The following SRL variants were observed in gnomAD, a reference collection of about 807,000 sequenced individuals.
The protein encoded by SRL is sarcalumenin.
A neutral mutation model predicts 39.5 loss-of-function variants in SRL; 23 were observed. The ratio of observed to expected loss-of-function variants is 0.58; its 90% CI spans 0.42 to 0.82. SRL has a LOEUF of 0.82. Ranked by LOEUF, SRL falls within the 40% of genes least tolerant of loss-of-function variation. The pLI is 0.00. For missense variants in SRL, 592 were observed against 607.8 expected (o/e 0.97, Z 0.27); for synonymous variants, 272 against 237.4 (o/e 1.15, Z -1.34).
At chr16:4,240,960 T>C (rs2052766783) in intron 1 of SRL, among the ~76,000 whole-genome samples, 1 of 152,078 alleles carries the variant, frequency 6.6e-6, no homozygotes, top group African/African-American at 2.4e-5. Context: ...CCACCTTACA[T>C]CTTGAGTCCC....
intron 1 of SRL, among the ~76,000 whole-genome samples, chr16:4,224,949 C>G (rs1448276102): frequency 6.6e-6 from 1 of 152,164 alleles, no homozygotes; most frequent in Non-Finnish European, 1.5e-5. Flanking sequence ...TACAACACGG[C>G]TGAACCTGGA....
rs60969882 is a variant in SRL, at chr16:4,207,221, A to G, written c.62-2587T>C. ...CTCCTTCTTCCTCGCTTCCACTTCC[A>G]TCACCACTTTCCTCTTCAGAGGAGG... On this transcript the variant is annotated intron_variant, in intron 1 of 5. Transcript: ENST00000399609. 1.4e-3 allele frequency: 636 copies of G among 456,864 alleles called. 5 individuals carry two copies. Among genetic ancestry groups the G allele is most frequent in the African/African-American group, 0.012 (580 of 50,118 alleles). 28.3% of individuals were successfully genotyped at this position (456,864 alleles called of 1,614,324 possible).
chr16:4,192,563 T>C lies in SRL; in HGVS notation c.1012A>G (p.Ile338Val). The C allele has an allele frequency of 6.2e-7, 1 of 1,614,196 alleles. No individual in the cohort carries two copies. The highest frequency in any genetic ancestry group is 1.1e-5 in the South Asian group (1 of 91,088). ...AGGAGGGCGTGGATGCGGACCCGGA[T>C]GGCGTGCTGGCGGATGAAGGCAATC... Reference protein sequence around the residue: ...NKIAFIRQHAIRVRIHALLVD... With the variant: ...NKIAFIRQHAVRVRIHALLVD... The change falls in exon 6 of 6, where the codon ATC (isoleucine) becomes GTC (valine). Residue 338 changes from isoleucine to valine, a missense_variant. Physicochemically the swap from Ile to Val is conservative, Grantham distance 29 (BLOSUM62 3). Coordinates refer to ENST00000399609, the MANE Select transcript of SRL (RefSeq NM_001098814.2). The surrounding 1 kb of genome is among the most constrained non-coding windows in gnomAD (Gnocchi z 4.0).
chr16:4,242,032 G>C lies in SRL; in HGVS notation c.36C>G (p.Ala12=), dbSNP rs372504308. 5.2e-5 allele frequency: 84 copies of C among 1,613,306 alleles called. No individual in the cohort carries two copies. Among genetic ancestry groups the C allele is most frequent in the Middle Eastern group, 5.0e-4 (3 of 5,958 alleles). The change falls in exon 1 of 6, where the codon GCC becomes GCG. Residue 12 remains alanine (A), a synonymous_variant. Transcript: ENST00000399609. ...CTGCTTGTCCTGAGAACAGGAGCGA[G>C]GCCAGGAGGCAGCCGAGCAGGACCA... ...RALVLLGCLL[A]SLLFSGQAEE... is the part of the protein sequence containing the mutation.
chr16:4,217,581 C>G (rs546524020), intron 1 of SRL, among the ~76,000 whole-genome samples: 1 of 152,308 alleles, frequency 6.6e-6, no homozygotes, highest in South Asian at 2.1e-4. Context: ...GCCCCCACCC[C>G]CCGCTGTCTT....
At chr16:4,207,907 C>T (rs779604410) in intron 1 of SRL, 38 of 456,560 alleles carry the variant, frequency 8.3e-5, no homozygotes, top group Non-Finnish European at 1.3e-4. Flanking sequence ...CCCGCGCTGG[C>T]GGCAGACGCG....
chr16:4,222,899 GC>G (rs1383514666), intron 1 of SRL, among the ~76,000 whole-genome samples: 1 of 152,100 alleles, frequency 6.6e-6, no homozygotes, highest in African/African-American at 2.4e-5. Context: ...TTTGAGACCA[GC>G]CTGGCCAACA....
At chr16:4,194,521 C>T (rs1321881264) in intron 5 of SRL, among the ~76,000 whole-genome samples, 2 of 152,110 alleles carry the variant, frequency 1.3e-5, no homozygotes, top group Non-Finnish European at 1.5e-5. Context: ...AGGTCAGGTT[C>T]AACCTACAGC....
intron 3 of SRL, among the ~76,000 whole-genome samples, chr16:4,200,974 A>T (rs1385468276): frequency 6.6e-6 from 1 of 152,206 alleles, no homozygotes; most frequent in Admixed American, 6.5e-5. Context: ...CCACTGCTAA[A>T]TTTTTTAAAG....
At chr16:4,200,721 G>C (rs115753387) in intron 3 of SRL, among the ~76,000 whole-genome samples, 2,438 of 152,312 alleles carry the variant, frequency 0.016, 62 homozygotes, top group African/African-American at 0.056. Context: ...ATAATTGGCT[G>C]CTAGGCTACA....
chr16:4,223,807 G>A (rs745592164), intron 1 of SRL, among the ~76,000 whole-genome samples: 9 of 152,070 alleles, frequency 5.9e-5, no homozygotes, highest in Non-Finnish European at 1.0e-4. Context: ...AGAGACCTAC[G>A]GGTTGCAAAG....
At chr16:4,196,778 C>T (rs1482259579) in intron 4 of SRL, among the ~76,000 whole-genome samples, 2 of 152,070 alleles carry the variant, frequency 1.3e-5, no homozygotes, top group Admixed American at 6.6e-5. Context: ...CGCGCCCAGC[C>T]GCCTACTGTC....
chr16:4,217,040 G>C (rs563556362), intron 1 of SRL, among the ~76,000 whole-genome samples: 26 of 152,320 alleles, frequency 1.7e-4, no homozygotes, highest in African/African-American at 6.0e-4. Flanking sequence ...CAAGGAATCT[G>C]GGCCCACCCC....
rs1342678394 is a variant in SRL, at chr16:4,190,112, T to C, written c.*2041A>G. On this transcript the variant is annotated 3_prime_UTR_variant, in exon 6 of 6. Coordinates refer to ENST00000399609, the MANE Select transcript of SRL (RefSeq NM_001098814.2). ...CTTGGAAACATTGTCCTGAGTGCCC[T>C]GGAACCTCGGGTGTTCTTGTGGAAG... 5.0e-6 allele frequency: 2 copies of C among 397,282 alleles called. No individual in the cohort carries two copies. The highest frequency in any genetic ancestry group is 2.1e-5 in the African/African-American group (1 of 48,740). The allele number at this position is 397,282 out of a possible 1,614,324, so 24.6% of individuals were successfully genotyped here. A position where few individuals can be genotyped will look rare whatever the true frequency, so the allele number is the denominator to read the frequency against.
intron 1 of SRL, among the ~76,000 whole-genome samples, chr16:4,226,514 G>T (rs2052591116): frequency 6.6e-6 from 1 of 151,890 alleles, no homozygotes; most frequent in Non-Finnish European, 1.5e-5. Context: ...AGGATGGATG[G>T]ATGGATAAAT....
intron 1 of SRL, among the ~76,000 whole-genome samples, chr16:4,240,785 G>C (rs1240884732): frequency 2.6e-5 from 4 of 152,210 alleles, no homozygotes; most frequent in African/African-American, 9.6e-5. Flanking sequence ...GAGGGTGGCA[G>C]CGGCTTGGGG....
chr16:4,200,101 G>A (rs777860225), intron 3 of SRL, among the ~76,000 whole-genome samples: 23 of 152,160 alleles, frequency 1.5e-4, no homozygotes, highest in Non-Finnish European at 2.8e-4. Context: ...CTAACCAGGT[G>A]GTGTCTTATA....
intron 3 of SRL, among the ~76,000 whole-genome samples, chr16:4,200,074 G>A (rs905441309): frequency 2.6e-5 from 4 of 152,120 alleles, no homozygotes; most frequent in South Asian, 2.1e-4. Context: ...TTCCTTCTCC[G>A]AGGCTAAAGC....
chr16:4,235,784 T>C (rs1467449217), intron 1 of SRL, among the ~76,000 whole-genome samples: 1 of 152,102 alleles, frequency 6.6e-6, no homozygotes, highest in Non-Finnish European at 1.5e-5. Context: ...CCGCGCCAAT[T>C]TCCACTTAAA....
Sources: allele counts gnomAD v4.1 joint callset (sites outside exome capture counted in the v4.1 genomes callset), GRCh38; gene constraint gnomAD v4.1.1; non-coding constraint Gnocchi (gnomAD v3.1); transcripts MANE v1.5; gene names NCBI Gene and HGNC (gene_info 2026-07-23, HGNC 2026-07-21).